PUDP: variants seen among roughly 807,000 people sequenced by gnomAD.
PUDP encodes pseudouridine-5'-phosphatase.
In PUDP, 8 loss-of-function variants were observed where a neutral mutation model predicts 9.4. The ratio of observed to expected loss-of-function variants is 0.85; its 90% CI spans 0.50 to 1.53. The LOEUF (loss-of-function observed/expected upper bound fraction) is 1.53, where lower values mean the gene tolerates loss of function less well. Among genes scored for constraint, PUDP ranks in the 40% most tolerant of loss-of-function variants. The pLI, the probability that PUDP is intolerant of heterozygous loss-of-function variation, is 0.00. For missense variants in PUDP, 188 were observed against 189.7 expected (o/e 0.99, Z 0.05); for synonymous variants, 99 against 80.7 (o/e 1.23, Z -1.22).
At chrX:7,138,573 A>G (rs1489589705) in intron 1 of PUDP, among the ~76,000 whole-genome samples, 3 of 111,033 alleles carry the variant, frequency 2.7e-5, no homozygotes, top group Non-Finnish European at 5.7e-5. Context: ...GGGTTTCGCC[A>G]TGTTGGCCGG....
intron 3 of PUDP, among the ~76,000 whole-genome samples, chrX:6,775,456 GATAGATAGAT>G (rs1433728737): frequency 1.0e-5 from 1 of 95,632 alleles, no homozygotes; most frequent in Non-Finnish European, 2.0e-5. Flanking sequence ...GGCATGGATG[GATAGATAGAT>G]ATAGATAGAT....
intron 1 of PUDP, among the ~76,000 whole-genome samples, chrX:6,707,335 A>C (rs1317575368): frequency 9.0e-6 from 1 of 111,676 alleles, no homozygotes; most frequent in African/African-American, 3.3e-5. Flanking sequence ...CAATTTTTCC[A>C]TGGACTGCAG....
In PUDP at chrX:7,018,300, T is replaced by C. The variant is rs182988046; in HGVS notation, c.205-39957A>G. 6.3e-5 allele frequency among the ~76,000 whole-genome samples: 7 copies of C among 111,714 alleles called. No homozygotes were observed. The East Asian group carries it at 1.7e-3, about 27-fold the overall frequency. On this transcript the variant is annotated intron_variant and NMD_transcript_variant, in intron 1 of 3. Coordinates refer to the PUDP transcript ENST00000655425. ...CTTGGGGTCTGGATCTGGACCCCTT[T>C]CCAGTAAAAGAACTATTCATTTTAT...
intron 3 of PUDP, among the ~76,000 whole-genome samples, chrX:6,752,847 C>T (rs1334576046): frequency 9.0e-6 from 1 of 111,501 alleles, no homozygotes; most frequent in South Asian, 3.8e-4. Flanking sequence ...ACAGGAGCCA[C>T]GCATTTTATT....
intron 3 of PUDP, among the ~76,000 whole-genome samples, chrX:6,908,652 C>T (rs774297134): frequency 5.2e-4 from 58 of 111,047 alleles, no homozygotes; most frequent in African/African-American, 1.9e-3. Context: ...GGTGTCGAGT[C>T]TTCCTCAGAG....
intron 3 of PUDP, among the ~76,000 whole-genome samples, chrX:6,769,632 G>A (rs1470959899): frequency 4.5e-5 from 5 of 111,784 alleles, no homozygotes; most frequent in Non-Finnish European, 9.4e-5. Flanking sequence ...CTGGTGTTTC[G>A]AGTTCATCTT....
At chrX:7,111,628 T>C (rs1424936695) in intron 1 of PUDP, among the ~76,000 whole-genome samples, 1 of 111,320 alleles carries the variant, frequency 9.0e-6, no homozygotes, top group Non-Finnish European at 1.9e-5. Context: ...CCGGAAACTC[T>C]GGAAGCTAGC....
At chrX:6,708,507 T>C (rs1304665923) in intron 1 of PUDP, among the ~76,000 whole-genome samples, 2 of 112,091 alleles carry the variant, frequency 1.8e-5, no homozygotes, top group Non-Finnish European at 3.8e-5. Flanking sequence ...ATGTACTGCA[T>C]ACAAAATTAG....
chrX:6,956,625 T>C (rs1428158048), intron 3 of PUDP, among the ~76,000 whole-genome samples: 1 of 111,600 alleles, frequency 9.0e-6, no homozygotes, highest in Non-Finnish European at 1.9e-5. Context: ...AAAGTGTTCA[T>C]TTTCAGCAAA....
Position 6,863,148 on chromosome X carries a change from C to T in PUDP, c.*247+113985G>A, listed in dbSNP as rs149980422. Reference sequence around the variant, plus strand: ...TACTACAGTCTCAAACTCCTGGCCTCAAATGATTATCCTGCCTCAACCTCC... The same window carrying T: ...TACTACAGTCTCAAACTCCTGGCCTTAAATGATTATCCTGCCTCAACCTCC... On this transcript the variant is annotated intron_variant and NMD_transcript_variant, in intron 3 of 3. Transcript: ENST00000655425. 7.2e-3 allele frequency among the ~76,000 whole-genome samples: 807 copies of T among 111,893 alleles called. 9 individuals are homozygous for T. Among genetic ancestry groups the T allele is most frequent in the African/African-American group, 0.025 (759 of 30,849 alleles).
chrX:7,044,081 C>T (rs1929955386), downstream of PUDP, among the ~76,000 whole-genome samples: 1 of 112,247 alleles, frequency 8.9e-6, no homozygotes, highest in South Asian at 3.7e-4. Flanking sequence ...AACAGCACAT[C>T]ACATAGGCAT....
chrX:6,831,521 C>T (rs1222536844), intron 3 of PUDP, among the ~76,000 whole-genome samples: 1 of 111,924 alleles, frequency 8.9e-6, no homozygotes, highest in Non-Finnish European at 1.9e-5. Flanking sequence ...GGTCAGATCC[C>T]TTTCACTGTC....
rs55864305 is a variant in PUDP, at chrX:6,865,968, C to T, written c.*247+111165G>A. Among the ~76,000 whole-genome samples the T allele has an allele frequency of 8.3e-3, 926 of 111,233 alleles. 9 individuals are homozygous for T. Among genetic ancestry groups the T allele is most frequent in the African/African-American group, 0.028 (868 of 30,595 alleles). The stretch of plus-strand genomic sequence containing the variant: ...GACAGTTTCTCTCTGTTGCCCAGGC[C>T]GGAGTACAGTGGCACAGGCGTAGTT... On this transcript the variant is annotated intron_variant and NMD_transcript_variant, in intron 3 of 3. Coordinates refer to the PUDP transcript ENST00000655425.
At chrX:6,937,309 G>A (rs1422300211) in intron 3 of PUDP, among the ~76,000 whole-genome samples, 5 of 102,433 alleles carry the variant, frequency 4.9e-5, no homozygotes, top group African/African-American at 1.8e-4. Flanking sequence ...ACAGAACAGA[G>A]CCCTCAGAAA....
chrX:7,070,938 G>A (rs1007554754), intron 3 of PUDP, among the ~76,000 whole-genome samples: 1 of 111,823 alleles, frequency 8.9e-6, no homozygotes, highest in African/African-American at 3.3e-5. Flanking sequence ...TATTATTCTC[G>A]GAGGAAAAGA....
chrX:6,919,659 G>A lies in PUDP; in HGVS notation c.*247+57474C>T, dbSNP rs900732721. On this transcript the variant is annotated intron_variant and NMD_transcript_variant, in intron 3 of 3. Transcript: ENST00000655425. Reference sequence around the variant, plus strand: ...GTGGCCAAAACTGTGATTGTACTGAGGGGATGCTGAATATTTGAAAGAATG... The same window carrying A: ...GTGGCCAAAACTGTGATTGTACTGAAGGGATGCTGAATATTTGAAAGAATG... Among the ~76,000 whole-genome samples, 6 of 108,709 alleles carry A rather than the reference G, an allele frequency of 5.5e-5. No homozygotes were observed. The South Asian group carries it at 2.4e-3, about 43-fold the overall frequency. The allele number at this position is 108,709 out of a possible 115,157, so 94.4% of individuals were successfully genotyped here.
intron 1 of PUDP, among the ~76,000 whole-genome samples, chrX:7,119,803 T>C (rs1237879460): frequency 8.9e-6 from 1 of 112,087 alleles, no homozygotes; most frequent in Admixed American, 9.5e-5. Context: ...TGCTAGACCA[T>C]ACCTATCTGT....
At chrX:6,857,476 C>A (rs184514867) in intron 3 of PUDP, among the ~76,000 whole-genome samples, 2 of 112,647 alleles carry the variant, frequency 1.8e-5, no homozygotes, top group Admixed American at 1.9e-4. Context: ...TTCTGTCACC[C>A]AGGCTGGAGT....
intron 3 of PUDP, among the ~76,000 whole-genome samples, chrX:6,747,428 C>A (rs1485968333): frequency 8.9e-6 from 1 of 112,173 alleles, no homozygotes; most frequent in East Asian, 2.8e-4. Flanking sequence ...GATAGACATT[C>A]CTCTGTTGCT....
Sources: gnomAD v4.1 joint callset for allele counts (sites outside exome capture counted in the v4.1 genomes callset) on GRCh38, gnomAD v4.1.1 for gene constraint, MANE v1.5 for transcripts, NCBI Gene and HGNC (gene_info 2026-07-23, HGNC 2026-07-21) for gene names.